WDR88: variants seen among roughly 807,000 people sequenced by gnomAD.
WDR88 encodes WD repeat-containing protein 88.
Under a neutral mutation model 46.8 loss-of-function variants are expected in WDR88, and 40 were observed. The ratio of observed to expected loss-of-function variants is 0.86; its 90% CI spans 0.66 to 1.11. WDR88 has a LOEUF of 1.11. WDR88 is among the 50% of genes most tolerant of loss of function. WDR88 has a pLI of 0.00. For synonymous variants in WDR88, 235 were observed against 240.7 expected (o/e 0.98, Z 0.22); for missense variants, 562 against 602.4 (o/e 0.93, Z 0.70).
At chr19:33,151,011 T>G (rs1292032696) in intron 5 of WDR88, among the ~76,000 whole-genome samples, 170 bp from the exon 6 acceptor site, 2 of 152,224 alleles carry the variant, frequency 1.3e-5, no homozygotes, top group African/African-American at 4.8e-5. Context: ...TGCTCCCGGT[T>G]CAAAGCCTGG....
At chr19:33,152,499 A>G (rs1376085086) in intron 6 of WDR88, among the ~76,000 whole-genome samples, 3 of 152,168 alleles carry the variant, frequency 2.0e-5, no homozygotes, top group Non-Finnish European at 4.4e-5. Context: ...TCATATAAGT[A>G]GAGTCATACA....
chr19:33,141,482 G>C (rs1973394441), intron 2 of WDR88, among the ~76,000 whole-genome samples: 1 of 151,924 alleles, frequency 6.6e-6, no homozygotes, highest in Non-Finnish European at 1.5e-5. Context: ...CTTCCTCCTT[G>C]GCCTCCCAAA....
At chr19:33,163,641 C>CTTT (rs557195235) in intron 8 of WDR88, among the ~76,000 whole-genome samples, 3 of 140,024 alleles carry the variant, frequency 2.1e-5, no homozygotes, top group Admixed American at 1.4e-4. Flanking sequence ...CTGCTCTTTC[C>CTTT]TTTTTTTTTT....
At chr19:33,137,540 A>AC (rs1390916192) in intron 1 of WDR88, 137 bp from the exon 2 acceptor site, 3 of 714,252 alleles carry the variant, frequency 4.2e-6, no homozygotes, top group East Asian at 6.1e-5. Flanking sequence ...GACGTGAACC[A>AC]CCCCCCTGGC....
At chr19:33,163,332 CAA>C (rs35300109) in intron 8 of WDR88, among the ~76,000 whole-genome samples, 1 of 139,544 alleles carries the variant, frequency 7.2e-6, no homozygotes, top group Non-Finnish European at 1.6e-5. Context: ...GACTCCGTCT[CAA>C]AAAAAAAAAA....
At chr19:33,146,973 T>C (rs1973530715) in intron 3 of WDR88, among the ~76,000 whole-genome samples, 1 of 149,298 alleles carries the variant, frequency 6.7e-6, no homozygotes, top group African/African-American at 2.5e-5. Context: ...CGTGGTGGCT[T>C]ATTCTTGTAA....
At chr19:33,151,848 C>T (rs1973639803) in intron 6 of WDR88, among the ~76,000 whole-genome samples, 2 of 151,936 alleles carry the variant, frequency 1.3e-5, no homozygotes, top group South Asian at 4.2e-4. Context: ...CCACTGCACC[C>T]CAGCCTGGAC....
At chr19:33,164,549 T>G (rs1346966681) in intron 9 of WDR88, among the ~76,000 whole-genome samples, 1 of 152,108 alleles carries the variant, frequency 6.6e-6, no homozygotes, top group Non-Finnish European at 1.5e-5. Context: ...ATGGGGGACT[T>G]GAAGGGAAAG....
intron 6 of WDR88, among the ~76,000 whole-genome samples, chr19:33,153,907 T>C (rs59567910): frequency 0.14 from 21,142 of 152,216 alleles, 3,351 homozygotes; most frequent in African/African-American, 0.39. Flanking sequence ...TTCTGAAGTG[T>C]AATTATGTGT....
At chr19:33,149,711 T>C (rs1318592560) in intron 5 of WDR88, among the ~76,000 whole-genome samples, 1 of 151,428 alleles carries the variant, frequency 6.6e-6, no homozygotes, top group Non-Finnish European at 1.5e-5. Flanking sequence ...TAGGCTGGAG[T>C]GTAGTGGTGC....
At chr19:33,146,151 G>T (rs965609056) in intron 3 of WDR88, among the ~76,000 whole-genome samples, 1 of 152,120 alleles carries the variant, frequency 6.6e-6, no homozygotes, top group Non-Finnish European at 1.5e-5. Context: ...TACAAAATTA[G>T]TCGGGCGTAG....
In WDR88 at chr19:33,149,404, C is replaced by T. The variant is rs555914670; in HGVS notation, c.679+494C>T. The stretch of plus-strand genomic sequence containing the variant: ...TGATCCTCTTCAGTTAATGCTTTTC[C>T]ATTCATTCAGTCTTGTGCTTTTAAC... On this transcript the variant is annotated intron_variant, in intron 5 of 10. Coordinates refer to ENST00000355868, the MANE Select transcript of WDR88 (RefSeq NM_173479.4). Among the ~76,000 whole-genome samples the T allele has an allele frequency of 1.1e-3, 173 of 152,316 alleles. 1 individual carries two copies. Among genetic ancestry groups the T allele is most frequent in the African/African-American group, 3.9e-3 (161 of 41,590 alleles).
In WDR88 at chr19:33,151,315, G is replaced by A; in HGVS notation, c.809+5G>A. ...CACGCTGCTCACCATCACTAAGTGA[G>A]TTGGACCCCAGGAGGCCAGAAGGGA... On this transcript the variant is annotated splice_donor_5th_base_variant and intron_variant, in intron 6 of 10. Coordinates refer to ENST00000355868, the MANE Select transcript of WDR88 (RefSeq NM_173479.4). The A allele has an allele frequency of 1.9e-6, 3 of 1,611,768 alleles. No individual in the cohort carries two copies. The highest frequency in any genetic ancestry group is 2.5e-6 in the Non-Finnish European group (3 of 1,179,006).
rs1258126592 is a variant in WDR88, at chr19:33,146,082, GGTAGCCT to G, written c.476+1151_476+1157del. 1.0e-3 allele frequency among the ~76,000 whole-genome samples: 158 copies of G among 152,154 alleles called. 1 individual carries two copies. Among genetic ancestry groups the G allele is most frequent in the Non-Finnish European group, 1.9e-3 (131 of 68,006 alleles). ...GAGGCGGGCGGATCACCTGAGGTCG[GGTAGCCT>G]TGAACAAGGCTAGCCTGACCAACAT... On this transcript the variant is annotated intron_variant, in intron 3 of 10. Transcript: ENST00000355868.
Position 33,175,738 on chromosome 19 carries a change from CTCAGCTTGGGGAGTGAACACTTTCCGTTT to C in WDR88, c.*170_*198del. On this transcript the variant is annotated 3_prime_UTR_variant, in exon 11 of 11. Coordinates refer to ENST00000355868, the MANE Select transcript of WDR88 (RefSeq NM_173479.4). ...TCAGCACAGTGCCACCTCCTCAGCT[CTCAGCTTGGGGAGTGAACACTTTCCGTTT>C]TCATGCAGAATAAATCTAATTCCTT... is the stretch of plus-strand genomic sequence containing the variant. The C allele has an allele frequency of 1.4e-6, 1 of 696,208 alleles. No individual in the cohort carries two copies. Among genetic ancestry groups the C allele is most frequent in the Non-Finnish European group, 2.4e-6 (1 of 417,980 alleles). The allele number at this position is 696,208 out of a possible 1,614,324, so 43.1% of individuals were successfully genotyped here.
chr19:33,174,295 A>G, intron 10 of WDR88: 1 of 1,530,642 alleles, frequency 6.5e-7, no homozygotes, highest in East Asian at 2.5e-5. Context: ...GGCCTGCCCC[A>G]GGTAGGGTTT....
intron 9 of WDR88, among the ~76,000 whole-genome samples, chr19:33,169,839 A>G (rs1233920230): frequency 6.6e-6 from 1 of 152,176 alleles, no homozygotes; most frequent in Non-Finnish European, 1.5e-5. Context: ...TTCACGGTAT[A>G]GGCTATATCT....
intron 2 of WDR88, among the ~76,000 whole-genome samples, chr19:33,143,553 A>G (rs1005369442): frequency 3.3e-5 from 5 of 149,512 alleles, no homozygotes; most frequent in African/African-American, 5.0e-5. Flanking sequence ...CTGAGATGGG[A>G]GGATGGCTTT....
chr19:33,137,467 G>A (rs1443315781), intron 1 of WDR88, among the ~76,000 whole-genome samples: 1 of 152,096 alleles, frequency 6.6e-6, no homozygotes, highest in African/African-American at 2.4e-5. Context: ...TGGCCAGGCT[G>A]GTCTTGAACT....
Sources: gnomAD v4.1 joint callset for allele counts (sites outside exome capture counted in the v4.1 genomes callset) on GRCh38, gnomAD v4.1.1 for gene constraint, MANE v1.5 for transcripts, NCBI Gene and HGNC (gene_info 2026-07-23, HGNC 2026-07-21) for gene names.